ZMYM6: variants seen among roughly 807,000 people sequenced by gnomAD.
ZMYM6 encodes the protein zinc finger MYM-type protein 6.
ZMYM6 carries 90 observed loss-of-function variants against 134.0 expected under a neutral mutation model. That is an observed-to-expected ratio of 0.67 (90% CI 0.57 to 0.80). The LOEUF (loss-of-function observed/expected upper bound fraction) is 0.80, where lower values mean the gene tolerates loss of function less well. Among genes scored for constraint, ZMYM6 ranks in the 30% least tolerant of loss-of-function variants. ZMYM6 has a pLI of 0.00. For missense variants in ZMYM6, 1,362 were observed against 1,533.9 expected (o/e 0.89, Z 1.87); for synonymous variants, 481 against 524.1 (o/e 0.92, Z 1.12).
chr1:35,011,034 A>T lies in ZMYM6; in HGVS notation c.1065T>A (p.Asn355Lys), dbSNP rs1197042494. 11 of 1,611,404 alleles carry T rather than the reference A, an allele frequency of 6.8e-6. No individual in the cohort carries two copies. The highest frequency in any genetic ancestry group is 9.3e-6 in the Non-Finnish European group (11 of 1,179,444). Residue 355 changes from asparagine to lysine, a missense_variant and splice_region_variant, in exon 9 of 16, where the codon AAT becomes AAA. Asn to Lys is a moderately conservative substitution (Grantham distance 94, BLOSUM62 0). Around this residue, in one of 3 missense-constraint regions of ZMYM6, gnomAD observed 503 missense variants for 520.8 expected, o/e 0.97. Coordinates refer to ENST00000357182, the MANE Select transcript of ZMYM6 (RefSeq NM_007167.4). ...TTGTTCCTTTTGGCTTGCTAAATACATTCTGAATGAAAACAAATAAGGTAA... is the reference window on the plus strand; with the variant it reads ...TTGTTCCTTTTGGCTTGCTAAATACTTTCTGAATGAAAACAAATAAGGTAA... The part of the protein sequence containing the change: ...CSSSCVVAFQ[N>K]VFSKPKGTNS...
chr1:35,011,055 G>T lies in ZMYM6; in HGVS notation c.1063-19C>A. 1.3e-6 allele frequency: 2 copies of T among 1,599,818 alleles called. No homozygotes were observed. Among genetic ancestry groups the T allele is most frequent in the East Asian group, 2.2e-5 (1 of 44,640 alleles). Reference sequence around the variant, plus strand: ...ATACATTCTGAATGAAAACAAATAAGGTAAAGATTTTATCAACTGAGAAAT... The same window carrying T: ...ATACATTCTGAATGAAAACAAATAATGTAAAGATTTTATCAACTGAGAAAT... On this transcript the variant is annotated intron_variant, in intron 8 of 15. Transcript: ENST00000357182.
chr1:35,024,568 C>T (rs77557308), intron 2 of ZMYM6, among the ~76,000 whole-genome samples: 2,984 of 152,310 alleles, frequency 0.02, 103 homozygotes, highest in African/African-American at 0.068. Flanking sequence ...CTTTGACCTT[C>T]ACACCCATAA....
chr1:35,007,121 G>T, intron 11 of ZMYM6, 23 bp from the exon 12 acceptor site: 1 of 1,582,618 alleles, frequency 6.3e-7, no homozygotes, highest in Non-Finnish European at 8.6e-7. Context: ...TGTTAGACAA[G>T]ATAGGCTTAA....
chr1:35,005,387 A>G (rs1640947655), intron 12 of ZMYM6, 115 bp from the exon 13 acceptor site: 1 of 1,094,780 alleles, frequency 9.1e-7, no homozygotes, highest in Admixed American at 2.6e-5. Context: ...AAGCAATATA[A>G]ATATCTGATT....
chr1:35,020,238 G>T, intron 3 of ZMYM6, 145 bp downstream of exon 3: 5 of 567,450 alleles, frequency 8.8e-6, no homozygotes, highest in South Asian at 3.3e-5. Flanking sequence ...TTTTTAAAAC[G>T]CTGCTGAAAA....
In ZMYM6 at chr1:34,986,985, A is replaced by G; in HGVS notation, c.*119T>C. On this transcript the variant is annotated 3_prime_UTR_variant, in exon 16 of 16. Transcript: ENST00000357182. Reference sequence around the variant, plus strand: ...TAAATTCCTCAACAAAAAGGGAAAAATTATTAAAACATTTAATCACTGAAA... The same window carrying G: ...TAAATTCCTCAACAAAAAGGGAAAAGTTATTAAAACATTTAATCACTGAAA... The G allele has an allele frequency of 1.5e-6, 1 of 669,874 alleles. No individual in the cohort carries two copies. The allele number at this position is 669,874 out of a possible 1,614,324, so 41.5% of individuals were successfully genotyped here. A position where few individuals can be genotyped will look rare whatever the true frequency, so the allele number is the denominator to read the frequency against.
chr1:35,005,314 G>A (rs376050186), intron 12 of ZMYM6, 42 bp from the exon 13 acceptor site: 3 of 1,599,148 alleles, frequency 1.9e-6, no homozygotes, highest in African/African-American at 2.7e-5. Flanking sequence ...AAGCAAAAGG[G>A]TCTCTCTCTC....
At chr1:35,013,672 T>C (rs1569777920) in intron 6 of ZMYM6, 3 of 984,722 alleles carry the variant, frequency 3.0e-6, no homozygotes, top group African/African-American at 1.7e-5. Flanking sequence ...ATTTACAAGA[T>C]ACATCTTTGT....
At chr1:35,013,282 A>C in intron 6 of ZMYM6, 3 of 830,874 alleles carry the variant, frequency 3.6e-6, no homozygotes, top group Non-Finnish European at 4.4e-6. Flanking sequence ...GAGCAGAAGA[A>C]GTAGGAAATT....
chr1:35,023,768 C>G (rs1166687568), intron 2 of ZMYM6, among the ~76,000 whole-genome samples: 1 of 151,576 alleles, frequency 6.6e-6, no homozygotes, highest in African/African-American at 2.4e-5. Flanking sequence ...ACTACAGGCG[C>G]CCACCACCAT....
chr1:34,992,152 A>C (rs754399364), intron 15 of ZMYM6, 82 bp downstream of exon 15: 1 of 1,550,826 alleles, frequency 6.4e-7, no homozygotes, highest in Non-Finnish European at 8.9e-7. Context: ...TCTGTCAATT[A>C]TTTTCTTTTC....
Position 35,013,784 on chromosome 1 carries a change from C to T in ZMYM6, c.795+913G>A, listed in dbSNP as rs6678660. The T allele has an allele frequency of 8.9e-3, 4,706 of 530,502 alleles. 43 individuals carry two copies. Among genetic ancestry groups the T allele is most frequent in the African/African-American group, 0.029 (1,405 of 48,588 alleles). The allele number at this position is 530,502 out of a possible 1,614,324, so 32.9% of individuals were successfully genotyped here. A position where few individuals can be genotyped will look rare whatever the true frequency, so the allele number is the denominator to read the frequency against. On this transcript the variant is annotated intron_variant, in intron 6 of 15. Transcript: ENST00000357182. ...TCAGCTCACTGCAACCTCCACCTCC[C>T]GGGTTCAAGCAATTCTCCTGCCTCA...
intron 3 of ZMYM6, among the ~76,000 whole-genome samples, chr1:35,019,991 A>G (rs1262326054): frequency 6.6e-6 from 1 of 152,078 alleles, no homozygotes; most frequent in Non-Finnish European, 1.5e-5. Context: ...TTTCAGGACA[A>G]ATTCCCAATC....
At chr1:35,029,529 A>G (rs1179204670) in intron 2 of ZMYM6, among the ~76,000 whole-genome samples, 1 of 152,242 alleles carries the variant, frequency 6.6e-6, no homozygotes, top group African/African-American at 2.4e-5. Context: ...GATATAATAT[A>G]TACTACATAC....
Position 34,987,237 on chromosome 1 carries a change from TAAAC to T in ZMYM6, c.3841_3844del (p.Val1281IlefsTer10). The T allele has an allele frequency of 6.2e-7, 1 of 1,613,860 alleles. No homozygotes were observed. Among genetic ancestry groups the T allele is most frequent in the Non-Finnish European group, 8.5e-7 (1 of 1,179,920 alleles). The stretch of plus-strand genomic sequence containing the variant: ...AGCTGAAAAGGCAGCATCACATAAA[TAAAC>T]AGTTGAAAAGGGTAATAAAAATTTC... On this transcript the variant is annotated frameshift_variant, in exon 16 of 16. Transcript: ENST00000357182. LOFTEE classifies it high-confidence loss of function.
chr1:34,991,729 T>C (rs550424041), intron 15 of ZMYM6, among the ~76,000 whole-genome samples: 19 of 152,006 alleles, frequency 1.2e-4, no homozygotes, highest in African/African-American at 4.6e-4. Context: ...AAGATCACGC[T>C]ATTGCACTCC....
At chr1:35,013,767 C>T (rs11588512) in intron 6 of ZMYM6, 56 of 680,206 alleles carry the variant, frequency 8.2e-5, no homozygotes, top group South Asian at 1.3e-4. Flanking sequence ...TCTCAGCTCA[C>T]TGCAACCTCC....
rs1431043693 is a variant in ZMYM6, at chr1:34,992,735, A to G, written c.1993-348T>C. On this transcript the variant is annotated intron_variant, in intron 14 of 15. Coordinates refer to ENST00000357182, the MANE Select transcript of ZMYM6 (RefSeq NM_007167.4). ...AAACTATAAAAATAAAAATATACTT[A>G]TAAACTATAAATATAAAAATATACT... is the stretch of plus-strand genomic sequence containing the variant. Among the ~76,000 whole-genome samples the G allele has an allele frequency of 7.3e-4, 102 of 139,706 alleles. 2 individuals are homozygous for G. The highest frequency in any genetic ancestry group is 2.8e-3 in the African/African-American group (97 of 35,040). 91.7% of individuals were successfully genotyped at this position (139,706 alleles called of 152,430 possible).
intron 11 of ZMYM6, among the ~76,000 whole-genome samples, chr1:35,008,547 C>T (rs536225870): frequency 6.6e-6 from 1 of 152,266 alleles, no homozygotes; most frequent in African/African-American, 2.4e-5. Context: ...ACATATCCAA[C>T]CAACAACAAA....
Sources: allele counts gnomAD v4.1 joint callset (sites outside exome capture counted in the v4.1 genomes callset), GRCh38; gene constraint gnomAD v4.1.1; regional missense constraint gnomAD v4.1.1; transcripts MANE v1.5; gene names NCBI Gene and HGNC (gene_info 2026-07-23, HGNC 2026-07-21).